The following MGAT4C variants were observed in gnomAD, a reference collection of about 807,000 sequenced individuals.
MGAT4C encodes the protein MGAT4 family member C.
Under a neutral mutation model 40.1 loss-of-function variants are expected in MGAT4C, and 19 were observed. That is an observed-to-expected ratio of 0.47 (90% CI 0.33 to 0.70). MGAT4C has a LOEUF of 0.70. Among genes scored for constraint, MGAT4C ranks in the 30% least tolerant of loss-of-function variants. The pLI is 0.02. For synonymous variants in MGAT4C, 181 were observed against 187.1 expected, an observed-to-expected ratio of 0.97 and a Z score of 0.27; for missense variants, 491 against 563.2, an observed-to-expected ratio of 0.87 and a Z score of 1.30.
chr12:86,067,205 T>C (rs1379540513), intron 1 of MGAT4C, among the ~76,000 whole-genome samples: 1 of 152,210 alleles, frequency 6.6e-6, no homozygotes, highest in Non-Finnish European at 1.5e-5. Flanking sequence ...ACCTTATTAC[T>C]GGGTATATAC....
At chr12:86,120,245 T>G (rs1479776701) in intron 1 of MGAT4C, among the ~76,000 whole-genome samples, 1 of 151,994 alleles carries the variant, frequency 6.6e-6, no homozygotes, top group Non-Finnish European at 1.5e-5. Flanking sequence ...TTAATTATAC[T>G]TTAAGTTCGA....
At chr12:86,765,498 A>T (rs1247467367) in intron 1 of MGAT4C, among the ~76,000 whole-genome samples, 1 of 152,142 alleles carries the variant, frequency 6.6e-6, no homozygotes, top group Non-Finnish European at 1.5e-5. Context: ...AACATTCAGA[A>T]TCAGGAAATA....
At chr12:86,801,345 T>G (rs1952222350) in intron 1 of MGAT4C, among the ~76,000 whole-genome samples, 1 of 151,764 alleles carries the variant, frequency 6.6e-6, no homozygotes, top group Non-Finnish European at 1.5e-5. Context: ...GAGAGCGTGT[T>G]GAGAATGTGT....
intron 3 of MGAT4C, among the ~76,000 whole-genome samples, chr12:86,349,833 C>T (rs1465869533): frequency 2.6e-5 from 4 of 151,998 alleles, no homozygotes; most frequent in Non-Finnish European, 5.9e-5. Flanking sequence ...TATCTGTTGC[C>T]AGTCAATATT....
chr12:86,827,121 C>T (rs2035719), intron 1 of MGAT4C, among the ~76,000 whole-genome samples: 70,700 of 151,026 alleles, frequency 0.47, 18,139 homozygotes, highest in Admixed American at 0.57. Flanking sequence ...TTTCTATTTA[C>T]TGTAAAACTG....
At chr12:86,460,300 T>G (rs1470819462) in intron 2 of MGAT4C, among the ~76,000 whole-genome samples, 1 of 152,198 alleles carries the variant, frequency 6.6e-6, no homozygotes, top group African/African-American at 2.4e-5. Context: ...AGCAGATGAT[T>G]AGGCAAACTC....
chr12:86,320,467 T>A (rs761700477), intron 4 of MGAT4C, among the ~76,000 whole-genome samples: 1 of 152,144 alleles, frequency 6.6e-6, no homozygotes, highest in Non-Finnish European at 1.5e-5. Flanking sequence ...GTAAAAATAG[T>A]AATAGTAATA....
chr12:86,343,288 C>T (rs1954941310), intron 3 of MGAT4C, among the ~76,000 whole-genome samples: 1 of 152,108 alleles, frequency 6.6e-6, no homozygotes, highest in Non-Finnish European at 1.5e-5. Context: ...ATTGAAAACA[C>T]CTTTCAAAAA....
At chr12:86,615,076 A>G (rs553634795) in intron 2 of MGAT4C, among the ~76,000 whole-genome samples, 2 of 152,178 alleles carry the variant, frequency 1.3e-5, no homozygotes, top group South Asian at 4.1e-4. Flanking sequence ...TGTATCTAGA[A>G]TATAGGTATT....
At chr12:86,576,681 T>G (rs557734009) in intron 2 of MGAT4C, among the ~76,000 whole-genome samples, 1 of 152,088 alleles carries the variant, frequency 6.6e-6, no homozygotes, top group South Asian at 2.1e-4. Context: ...CTGGTCTATG[T>G]GTCTGTTTTT....
chr12:86,823,294 ATAGAAACGCAAAAGG>A (rs1020208327), intron 1 of MGAT4C, among the ~76,000 whole-genome samples: 1 of 151,344 alleles, frequency 6.6e-6, no homozygotes, highest in African/African-American at 2.4e-5. Context: ...AATAAGTAAA[ATAGAAACGCAAAAGG>A]TAGAAAAAAA....
At chr12:86,485,339 C>T (rs1055968854) in intron 2 of MGAT4C, among the ~76,000 whole-genome samples, 7 of 152,060 alleles carry the variant, frequency 4.6e-5, no homozygotes, top group Middle Eastern at 3.4e-3. Flanking sequence ...CCAAGGAATC[C>T]CATAAAATGA....
intron 1 of MGAT4C, among the ~76,000 whole-genome samples, chr12:86,182,017 G>A (rs1376841746): frequency 6.6e-6 from 1 of 151,034 alleles, no homozygotes; most frequent in African/African-American, 2.5e-5. Flanking sequence ...CTACTGCATT[G>A]TACTACATTT....
At chr12:86,379,812 C>G (rs903111435) in intron 3 of MGAT4C, among the ~76,000 whole-genome samples, 2 of 151,970 alleles carry the variant, frequency 1.3e-5, no homozygotes, top group Admixed American at 1.3e-4. Context: ...CCTATTTTGT[C>G]ATTCTTCAAT....
intron 2 of MGAT4C, among the ~76,000 whole-genome samples, chr12:86,509,261 T>C (rs564998493): frequency 6.6e-6 from 1 of 152,292 alleles, no homozygotes; most frequent in African/African-American, 2.4e-5. Context: ...AGGCATCCAG[T>C]TTCAGCTTTC....
chr12:86,568,912 T>C (rs2136419187), intron 2 of MGAT4C, among the ~76,000 whole-genome samples: 1 of 151,890 alleles, frequency 6.6e-6, no homozygotes, highest in Non-Finnish European at 1.5e-5. Context: ...CTCCTCAGCT[T>C]ATACAAAAAT....
chr12:86,294,980 A>T (rs1953624803), intron 4 of MGAT4C, among the ~76,000 whole-genome samples: 1 of 152,164 alleles, frequency 6.6e-6, no homozygotes, highest in African/African-American at 2.4e-5. Context: ...ATCTTCTTCA[A>T]TAATTCCAAA....
intron 1 of MGAT4C, among the ~76,000 whole-genome samples, chr12:86,779,028 C>A (rs960010601): frequency 1.3e-5 from 2 of 148,202 alleles, no homozygotes; most frequent in African/African-American, 5.0e-5. Context: ...AAAAAAACAA[C>A]TGTTATTTTT....
chr12:86,641,121 A>C (rs1199836108), intron 2 of MGAT4C, among the ~76,000 whole-genome samples: 3 of 151,824 alleles, frequency 2.0e-5, no homozygotes, highest in Non-Finnish European at 4.4e-5. Context: ...AACCAACCCA[A>C]ATGTCCAACA....
Sources: allele counts gnomAD v4.1 joint callset (sites outside exome capture counted in the v4.1 genomes callset), GRCh38; gene constraint gnomAD v4.1.1; transcripts MANE v1.5; gene names NCBI Gene and HGNC (gene_info 2026-07-23, HGNC 2026-07-21).